TNS1: variants seen among roughly 807,000 people sequenced by gnomAD.
TNS1 encodes the protein tensin-1.
TNS1 carries 62 observed loss-of-function variants against 168.6 expected under a neutral mutation model. The ratio of observed to expected loss-of-function variants is 0.37; its 90% CI spans 0.30 to 0.45. The LOEUF (loss-of-function observed/expected upper bound fraction) is 0.45, where lower values mean the gene tolerates loss of function less well. Among genes scored for constraint, TNS1 ranks in the 20% least tolerant of loss-of-function variants. The pLI is 1.00. For missense variants in TNS1, 2,240 were observed against 2,339.4 expected, an observed-to-expected ratio of 0.96 and a Z score of 0.88; for synonymous variants, 934 against 933.2, an observed-to-expected ratio of 1.00 and a Z score of -0.02.
At position 217,948,185 on chromosome 2, in the gene TNS1, C is replaced by T. The variant is rs1957159349; in HGVS notation, c.187-27949G>A. On this transcript the variant is annotated intron_variant, in intron 3 of 32. Coordinates refer to ENST00000682258, the MANE Select transcript of TNS1 (RefSeq NM_001387777.1). This position sits in a 1 kb window ranked among gnomAD's most constrained non-coding sequence, Gnocchi z 4.1. ...ACTAAGGTGAAGTTCCTCTGAGCTG[C>T]GCTAAAAGCTGACAAGATTCCCAGC... 6.6e-6 allele frequency among the ~76,000 whole-genome samples: 1 copy of T among 152,204 alleles called. No individual in the cohort carries two copies. The highest frequency in any genetic ancestry group is 1.5e-5 in the Non-Finnish European group (1 of 68,030).
chr2:217,913,650 C>G (rs1954679004), intron 4 of TNS1, among the ~76,000 whole-genome samples: 1 of 152,164 alleles, frequency 6.6e-6, no homozygotes, highest in Admixed American at 6.5e-5. Flanking sequence ...CTTTGGGTCA[C>G]TTCCCCACTC....
intron 2 of TNS1, among the ~76,000 whole-genome samples, chr2:217,983,251 C>G (rs930226308): frequency 6.6e-6 from 1 of 152,306 alleles, no homozygotes; most frequent in East Asian, 1.9e-4. Flanking sequence ...AGTCCTCCCC[C>G]AGATACACAT....
chr2:217,810,179 A>G (rs1271369321), intron 29 of TNS1, 69 bp downstream of exon 29: 1 of 1,560,728 alleles, frequency 6.4e-7, no homozygotes, highest in Non-Finnish European at 8.8e-7. Context: ...CTGCACGTGC[A>G]GGAGGGGTCA....
upstream of TNS1, among the ~76,000 whole-genome samples, chr2:218,015,058 C>T (rs1228710128): frequency 6.6e-6 from 1 of 152,126 alleles, no homozygotes; most frequent in Admixed American, 6.5e-5. Flanking sequence ...TAGTCAGGAC[C>T]ATGAAGTCTT....
At chr2:217,933,257 C>T (rs955867352) in intron 3 of TNS1, among the ~76,000 whole-genome samples, 18 of 152,124 alleles carry the variant, frequency 1.2e-4, no homozygotes, top group African/African-American at 3.6e-4. Flanking sequence ...AACGGAGGGG[C>T]GGAAGAAGAC....
chr2:217,847,560 G>A lies in TNS1; in HGVS notation c.2957C>T (p.Pro986Leu), dbSNP rs1236550155. 5 of 1,487,014 alleles carry A rather than the reference G, an allele frequency of 3.4e-6. No homozygotes were observed. In the African/African-American group the frequency reaches 5.6e-5, roughly 17 times the overall value. The allele number at this position is 1,487,014 out of a possible 1,614,324, so 92.1% of individuals were successfully genotyped here. A position where few individuals can be genotyped will look rare whatever the true frequency, so the allele number is the denominator to read the frequency against. ...TTCTAAATTCAATGGCTCCTCCTCT[G>A]GAGTCCGGGAGGGGTCTGAAGTCGC... ...KEATSDPSRT[P>L]EEEPLNLEGL... is the part of the protein sequence containing the mutation. Residue 986 changes from proline to leucine, a missense_variant, in exon 19 of 33, where the codon CCA (proline) becomes CTA (leucine). Transcript: ENST00000682258.
intron 3 of TNS1, among the ~76,000 whole-genome samples, chr2:217,959,988 A>G (rs11904083): frequency 0.098 from 14,959 of 152,070 alleles, 1,300 homozygotes; most frequent in African/African-American, 0.24. Flanking sequence ...AGGGTGGAGA[A>G]GGAAGCCGGC....
At chr2:217,966,308 TGCGCGCGC>T (rs1553621681) in intron 3 of TNS1, among the ~76,000 whole-genome samples, 2 of 133,672 alleles carry the variant, frequency 1.5e-5, no homozygotes, top group Non-Finnish European at 3.2e-5. Context: ...TGTGTGTGTG[TGCGCGCGC>T]GCGCGTGTGT....
rs1232635977 is a variant in TNS1, at chr2:217,848,891, C to G, written c.1626G>C (p.Lys542Asn). The G allele has an allele frequency of 1.2e-6, 2 of 1,614,034 alleles. No individual in the cohort carries two copies. The highest frequency in any genetic ancestry group is 2.2e-5 in the East Asian group (1 of 44,894). The change falls in exon 19 of 33, where the codon AAG becomes AAC. Residue 542 changes from lysine (K) to asparagine (N), a missense_variant. Transcript: ENST00000682258. ...GNSTASTKTD[K>N]TDEPVPGASS... The stretch of plus-strand genomic sequence containing the variant: ...AGGCCCCGGGGACAGGCTCGTCGGT[C>G]TTGTCGGTCTTGGTGGAGGCTGTGG...
At chr2:218,027,935 T>C (rs1318460670) in intron 1 of TNS1, among the ~76,000 whole-genome samples, 1 of 152,166 alleles carries the variant, frequency 6.6e-6, no homozygotes, top group Non-Finnish European at 1.5e-5. Flanking sequence ...CAGGCCACAC[T>C]GGACCCCTCT....
intron 3 of TNS1, among the ~76,000 whole-genome samples, chr2:217,946,724 TC>T (rs1559382492): frequency 6.6e-6 from 1 of 151,552 alleles, no homozygotes. Flanking sequence ...ACACTATCCA[TC>T]CCCTACCCCA....
At chr2:217,845,075 C>T (rs1365266844) in intron 19 of TNS1, among the ~76,000 whole-genome samples, 1 of 152,166 alleles carries the variant, frequency 6.6e-6, no homozygotes, top group Non-Finnish European at 1.5e-5. Flanking sequence ...AGAAAACTGC[C>T]CCTACCTTCT....
chr2:218,001,156 T>TA (rs559072712), intron 1 of TNS1, among the ~76,000 whole-genome samples: 30 of 142,878 alleles, frequency 2.1e-4, no homozygotes, highest in East Asian at 5.9e-4. Context: ...CCATCTCAAT[T>TA]AAAAAAAAAA....
chr2:217,968,506 A>C (rs1559392960), intron 3 of TNS1, among the ~76,000 whole-genome samples: 1 of 152,238 alleles, frequency 6.6e-6, no homozygotes, highest in Admixed American at 6.5e-5. Flanking sequence ...CCTAAAAATG[A>C]AATTAAGAAC....
chr2:217,959,355 C>CCTTAGCATGGAACCTGGTAT (rs1559388168), intron 3 of TNS1, among the ~76,000 whole-genome samples: 8 of 151,738 alleles, frequency 5.3e-5, no homozygotes, highest in Non-Finnish European at 8.8e-5. Flanking sequence ...TAGCATGGAA[C>CCTTAGCATGGAACCTGGTAT]CTTAGCATGG....
intron 2 of TNS1, among the ~76,000 whole-genome samples, chr2:217,981,776 A>G (rs35906294): frequency 0.02 from 3,045 of 152,270 alleles, 113 homozygotes; most frequent in African/African-American, 0.068. Flanking sequence ...CCCAAGGGGC[A>G]GTATGTCCTC....
chr2:217,865,308 A>G (rs1229498718), intron 18 of TNS1, among the ~76,000 whole-genome samples: 2 of 152,220 alleles, frequency 1.3e-5, no homozygotes, highest in Admixed American at 1.3e-4. Context: ...TCACTTATGC[A>G]GAGGCCACCA....
chr2:217,893,896 C>T (rs1952006474), intron 9 of TNS1, among the ~76,000 whole-genome samples: 1 of 152,210 alleles, frequency 6.6e-6, no homozygotes, highest in African/African-American at 2.4e-5. Context: ...GAGCTGATGA[C>T]CCCAAGGTCC....
intron 22 of TNS1, among the ~76,000 whole-genome samples, chr2:217,825,352 C>A (rs780391965): frequency 5.3e-5 from 8 of 152,158 alleles, no homozygotes; most frequent in Non-Finnish European, 1.0e-4. Flanking sequence ...AGCAGCCCTG[C>A]CCTCCAGCTC....
Sources: gnomAD v4.1 joint callset for allele counts (sites outside exome capture counted in the v4.1 genomes callset) on GRCh38, gnomAD v4.1.1 for gene constraint, Gnocchi (gnomAD v3.1) non-coding constraint, MANE v1.5 for transcripts, NCBI Gene and HGNC (gene_info 2026-07-23, HGNC 2026-07-21) for gene names.